Variants in SEPTIN14 observed in about 807,000 individuals in gnomAD.
SEPTIN14 encodes the protein septin-14.
A neutral mutation model predicts 53.6 loss-of-function variants in SEPTIN14; 40 were observed. The ratio of observed to expected loss-of-function variants is 0.75; its 90% CI spans 0.58 to 0.97. The LOEUF is 0.97. Ranked by LOEUF, SEPTIN14 falls within the 50% of genes least tolerant of loss-of-function variation. SEPTIN14 has a pLI of 0.00. For missense variants in SEPTIN14, 471 were observed against 508.2 expected, an observed-to-expected ratio of 0.93 and a Z score of 0.70; for synonymous variants, 138 against 166.8, an observed-to-expected ratio of 0.83 and a Z score of 1.33.
chr7:55,824,183 T>C (rs1261851619), intron 6 of SEPTIN14, among the ~76,000 whole-genome samples: 1 of 152,164 alleles, frequency 6.6e-6, no homozygotes, highest in Non-Finnish European at 1.5e-5. Context: ...CAAAAGACAC[T>C]GTTAAAGATA....
At chr7:55,855,803 C>G (rs367573007) in intron 2 of SEPTIN14, among the ~76,000 whole-genome samples, 1 of 152,074 alleles carries the variant, frequency 6.6e-6, no homozygotes, top group Non-Finnish European at 1.5e-5. Flanking sequence ...CCACCCACCT[C>G]GCCCTCCCAA....
At chr7:55,835,530 T>C (rs1429951255) in intron 5 of SEPTIN14, among the ~76,000 whole-genome samples, 1 of 152,134 alleles carries the variant, frequency 6.6e-6, no homozygotes, top group Non-Finnish European at 1.5e-5. Context: ...TTTTATTTCT[T>C]ATTAAGCTGA....
rs1562713076 is a variant in SEPTIN14 at position 55,829,725 on chromosome 7, TC to T, written c.720+4699del. ...AAGTCTGCAACAAAAAATGGCCTCT[TC>T]CAGAGAATTGTTTGAACCTGGGAGG... On this transcript the variant is annotated intron_variant, in intron 6 of 9. Coordinates refer to ENST00000388975, the MANE Select transcript of SEPTIN14 (RefSeq NM_207366.3). Among the ~76,000 whole-genome samples the T allele has an allele frequency of 2.2e-5, 3 of 136,856 alleles. No homozygotes were observed. The South Asian group carries it at 7.1e-4, about 32-fold the overall frequency. The allele number at this position is 136,856 out of a possible 152,430, so 89.8% of individuals were successfully genotyped here. A position where few individuals can be genotyped will look rare whatever the true frequency, so the allele number is the denominator to read the frequency against.
At chr7:55,827,508 G>A (rs1414757576) in intron 6 of SEPTIN14, among the ~76,000 whole-genome samples, 3 of 152,188 alleles carry the variant, frequency 2.0e-5, no homozygotes, top group African/African-American at 7.2e-5. Context: ...TACACAGGAG[G>A]TAGAGCTGGT....
chr7:55,814,393 G>A (rs1189004468), intron 7 of SEPTIN14, among the ~76,000 whole-genome samples: 1 of 152,018 alleles, frequency 6.6e-6, no homozygotes, highest in East Asian at 1.9e-4. Context: ...ACATATCTCA[G>A]GACAGATATA....
intron 3 of SEPTIN14, among the ~76,000 whole-genome samples, chr7:55,846,051 A>G (rs1789397221): frequency 9.4e-6 from 1 of 106,508 alleles, no homozygotes; most frequent in African/African-American, 3.8e-5. Context: ...TCCGTCTCAG[A>G]AAAAAAAAAA....
chr7:55,836,983 A>C (rs942360452), intron 5 of SEPTIN14, among the ~76,000 whole-genome samples: 1 of 152,232 alleles, frequency 6.6e-6, no homozygotes, highest in African/African-American at 2.4e-5. Context: ...AGATGTCTTC[A>C]ACTAATTTAA....
At chr7:55,816,118 T>C (rs1442765109) in intron 7 of SEPTIN14, among the ~76,000 whole-genome samples, 2 of 152,176 alleles carry the variant, frequency 1.3e-5, no homozygotes, top group Non-Finnish European at 2.9e-5. Context: ...ACTTCACATA[T>C]TCTCACTCAT....
intron 6 of SEPTIN14, among the ~76,000 whole-genome samples, chr7:55,829,171 G>A (rs1789046195): frequency 6.6e-6 from 1 of 151,734 alleles, no homozygotes; most frequent in South Asian, 2.1e-4. Context: ...CTGAGCTCAG[G>A]AGTTCCAGAT....
At chr7:55,803,604 T>C (rs1309844868) in intron 9 of SEPTIN14, among the ~76,000 whole-genome samples, 2 of 152,154 alleles carry the variant, frequency 1.3e-5, no homozygotes, top group Non-Finnish European at 2.9e-5. Flanking sequence ...CAAAGAGATA[T>C]CTACACTTTC....
chr7:55,821,062 C>A lies in SEPTIN14; in HGVS notation c.721-1839G>T, dbSNP rs183267756. Among the ~76,000 whole-genome samples, 20 of 152,200 alleles carry A rather than the reference C, an allele frequency of 1.3e-4. No individual in the cohort carries two copies. The Middle Eastern group carries it at 0.01, about 78-fold the overall frequency. On this transcript the variant is annotated intron_variant, in intron 6 of 9. Transcript: ENST00000388975. Reference sequence around the variant, plus strand: ...ATCATCTTTATTACTGCCCTGATTCCAGAACCAGAGACAACACAGCATTCG... The same window carrying A: ...ATCATCTTTATTACTGCCCTGATTCAAGAACCAGAGACAACACAGCATTCG...
intron 7 of SEPTIN14, among the ~76,000 whole-genome samples, chr7:55,814,073 A>G (rs1219500042): frequency 1.3e-5 from 2 of 152,114 alleles, no homozygotes; most frequent in Admixed American, 6.6e-5. Flanking sequence ...GTGAGAAAAG[A>G]GTTTGAGAGA....
At chr7:55,811,376 C>T (rs1788702762) in intron 7 of SEPTIN14, 1 of 496,312 alleles carries the variant, frequency 2.0e-6, no homozygotes, top group Non-Finnish European at 4.1e-6. Context: ...AGGAGTTGGT[C>T]TTGGCCACCC....
At chr7:55,807,304 C>T (rs771506401) in intron 7 of SEPTIN14, 46 bp from the exon 8 acceptor site, 2 of 1,263,620 alleles carry the variant, frequency 1.6e-6, no homozygotes, top group South Asian at 2.9e-5. Context: ...GTATCAATCC[C>T]TGACAATCAG....
At chr7:55,823,589 G>A (rs1209536014) in intron 6 of SEPTIN14, among the ~76,000 whole-genome samples, 6 of 152,194 alleles carry the variant, frequency 3.9e-5, no homozygotes, top group Admixed American at 3.9e-4. Context: ...CCAAATGGAT[G>A]GGGCTACCTG....
chr7:55,858,673 G>C (rs370752399), intron 2 of SEPTIN14, among the ~76,000 whole-genome samples: 1 of 152,080 alleles, frequency 6.6e-6, no homozygotes, highest in Non-Finnish European at 1.5e-5. Flanking sequence ...GCGTGGTGGC[G>C]CATGCCTATA....
chr7:55,839,381 C>T (rs1296968427), intron 5 of SEPTIN14, among the ~76,000 whole-genome samples: 1 of 144,198 alleles, frequency 6.9e-6, no homozygotes, highest in Non-Finnish European at 1.5e-5. Context: ...AAGAGCAAAA[C>T]TCCGTCTCAG....
intron 2 of SEPTIN14, among the ~76,000 whole-genome samples, chr7:55,851,943 C>A (rs371951772): frequency 1.3e-5 from 2 of 151,912 alleles, no homozygotes; most frequent in Non-Finnish European, 1.5e-5. Flanking sequence ...GAGATCGAGA[C>A]CATCCTGGCT....
intron 9 of SEPTIN14, among the ~76,000 whole-genome samples, chr7:55,804,267 GT>G (rs778497124): frequency 3.7e-4 from 48 of 129,070 alleles, no homozygotes; most frequent in Non-Finnish European, 3.7e-4. Context: ...GGTTTTTTTT[GT>G]TTTTTTTTTT....
Sources: gnomAD v4.1 joint callset for allele counts (sites outside exome capture counted in the v4.1 genomes callset) on GRCh38, gnomAD v4.1.1 for gene constraint, MANE v1.5 for transcripts, NCBI Gene and HGNC (gene_info 2026-07-23, HGNC 2026-07-21) for gene names.